MARCHF4: variants seen among roughly 807,000 people sequenced by gnomAD.
MARCHF4 encodes the protein E3 ubiquitin-protein ligase MARCHF4.
A neutral mutation model predicts 43.9 loss-of-function variants in MARCHF4; 14 were observed. The ratio of observed to expected loss-of-function variants is 0.32; its 90% CI spans 0.21 to 0.50. The LOEUF (loss-of-function observed/expected upper bound fraction) is 0.50, where lower values mean the gene tolerates loss of function less well. Among genes scored for constraint, MARCHF4 ranks in the 20% least tolerant of loss-of-function variants. The probability of loss-of-function intolerance (pLI) is 0.98; values close to 1 mark genes in which losing one functional copy is unlikely to be tolerated. For synonymous variants in MARCHF4, 226 were observed against 213.3 expected (o/e 1.06, Z -0.52); for missense variants, 468 against 536.7 (o/e 0.87, Z 1.27).
chr2:216,343,949 A>T, intron 1 of MARCHF4, among the ~76,000 whole-genome samples: 1 of 152,200 alleles, frequency 6.6e-6, no homozygotes, highest in East Asian at 1.9e-4. Flanking sequence ...TGGAGATCTC[A>T]GAGTGGGACC....
At chr2:216,356,534 G>A (rs1692505904) in intron 1 of MARCHF4, among the ~76,000 whole-genome samples, 1 of 152,138 alleles carries the variant, frequency 6.6e-6, no homozygotes. Flanking sequence ...GGATTTAATT[G>A]ATTTGCCTAA....
rs894009212 is a variant in MARCHF4, at chr2:216,298,980, C to T, written c.517-15251G>A. 1.2e-4 allele frequency among the ~76,000 whole-genome samples: 18 copies of T among 152,294 alleles called. 1 individual carries two copies. Among genetic ancestry groups the T allele is most frequent in the Middle Eastern group, 3.4e-3 (1 of 294 alleles). ...CAAATTTCCACCTATGTCATCTGAG[C>T]GTGCCACTATCTGCTGCTATTGCCC... On this transcript the variant is annotated intron_variant, in intron 1 of 3. Coordinates refer to ENST00000273067, the MANE Select transcript of MARCHF4 (RefSeq NM_020814.3).
In MARCHF4 at chr2:216,370,360, G is replaced by A. The variant is rs781229030; in HGVS notation, c.-100C>T. The A allele has an allele frequency of 1.8e-5, 17 of 970,736 alleles. No individual in the cohort carries two copies. The highest frequency in any genetic ancestry group is 2.5e-5 in the Non-Finnish European group (17 of 685,658). 60.1% of individuals were successfully genotyped at this position (970,736 alleles called of 1,614,324 possible). ...GTCCACAGTGGATCTGTGTTGTGGG[G>A]GGAGTCTGCTTTCTCACTGGCTTTT... On this transcript the variant is annotated 5_prime_UTR_variant, in exon 1 of 4. Transcript: ENST00000273067.
In MARCHF4 at chr2:216,291,702, C is replaced by T. The variant is rs533720495; in HGVS notation, c.517-7973G>A. Among the ~76,000 whole-genome samples the T allele has an allele frequency of 1.8e-4, 27 of 152,306 alleles. No individual in the cohort carries two copies. The South Asian group carries it at 5.2e-3, about 29-fold the overall frequency. ...CAATTTTCTGGCTTCCTTTCTTTCT[C>T]CTCTCTGTAACATTTTCTTATTAAT... On this transcript the variant is annotated intron_variant, in intron 1 of 3. Transcript: ENST00000273067.
chr2:216,317,439 G>A (rs1297183366), intron 1 of MARCHF4, among the ~76,000 whole-genome samples: 2 of 151,938 alleles, frequency 1.3e-5, no homozygotes. Context: ...TTAGAAACAG[G>A]GTCTCACTCT....
intron 3 of MARCHF4, among the ~76,000 whole-genome samples, chr2:216,270,030 C>A (rs1253348824): frequency 6.6e-6 from 1 of 152,180 alleles, no homozygotes; most frequent in Non-Finnish European, 1.5e-5. Flanking sequence ...CCAAATCTGT[C>A]TTCAAGCCTC....
At chr2:216,354,915 C>CTTTG (rs747454155) in intron 1 of MARCHF4, among the ~76,000 whole-genome samples, 9 of 98,550 alleles carry the variant, frequency 9.1e-5, no homozygotes, top group South Asian at 4.3e-4. Context: ...TTCTTTCTTT[C>CTTTG]TTTCTTTCTT....
chr2:216,270,980 T>A (rs1389140130), intron 3 of MARCHF4, among the ~76,000 whole-genome samples: 1 of 152,208 alleles, frequency 6.6e-6, no homozygotes, highest in Non-Finnish European at 1.5e-5. Flanking sequence ...ACCCATTCTC[T>A]CCATAGTTGC....
intron 1 of MARCHF4, among the ~76,000 whole-genome samples, chr2:216,292,159 G>A (rs1691319719): frequency 6.6e-6 from 1 of 152,228 alleles, no homozygotes; most frequent in Non-Finnish European, 1.5e-5. Context: ...GTGTGTTTAT[G>A]TTAGGGGGTG....
rs182208930 is a variant in MARCHF4, at chr2:216,341,180, G to T, written c.516+28565C>A. ...TACCATTTTGCAGCTCCTCCAATCTGCCTGCTCCCTGCTGGTCCTTCCATG... is the reference window on the plus strand; with the variant it reads ...TACCATTTTGCAGCTCCTCCAATCTTCCTGCTCCCTGCTGGTCCTTCCATG... On this transcript the variant is annotated intron_variant, in intron 1 of 3. Transcript: ENST00000273067. Among the ~76,000 whole-genome samples, 7 of 152,298 alleles carry T rather than the reference G, an allele frequency of 4.6e-5. No individual in the cohort carries two copies. The East Asian group carries it at 9.6e-4, about 21-fold the overall frequency.
chr2:216,344,770 T>G (rs1420874926), intron 1 of MARCHF4, among the ~76,000 whole-genome samples: 2 of 150,852 alleles, frequency 1.3e-5, no homozygotes, highest in African/African-American at 2.4e-5. Flanking sequence ...AAAGAGGAAG[T>G]GATTGAAGGT....
At chr2:216,336,428 G>C (rs1366608731) in intron 1 of MARCHF4, among the ~76,000 whole-genome samples, 1 of 152,122 alleles carries the variant, frequency 6.6e-6, no homozygotes. Flanking sequence ...AGACTTGTTG[G>C]TGATCTCCAA....
rs906274050 is a variant in MARCHF4, at chr2:216,370,033, G to T, written c.228C>A (p.Asn76Lys). Residue 76 changes from asparagine (N) to lysine (K), a missense_variant, in exon 1 of 4, where the codon AAC (asparagine) becomes AAA (lysine). Asn to Lys is a moderately conservative substitution (Grantham distance 94, BLOSUM62 0). Transcript: ENST00000273067. ...CGGCGCCCAGAGCCGGAAGGGTGTT[G>T]TTGGCCGCCAAACCGGGGGGCTGGG... Reference protein sequence around the residue: ...GDPQPPGLAANNTLPALGAGG... With the variant: ...GDPQPPGLAAKNTLPALGAGG... 11 of 1,549,740 alleles carry T rather than the reference G, an allele frequency of 7.1e-6. No homozygotes were observed. Among genetic ancestry groups the T allele is most frequent in the African/African-American group, 1.4e-5 (1 of 73,334 alleles).
At chr2:216,262,465 AGAATACGAAAGGTATAAG>A (rs1230663708) in intron 3 of MARCHF4, among the ~76,000 whole-genome samples, 1 of 152,228 alleles carries the variant, frequency 6.6e-6, no homozygotes, top group Admixed American at 6.5e-5. Flanking sequence ...GCTGGGGATG[AGAATACGAAAGGTATAAG>A]GAATAATGAA....
At chr2:216,347,659 G>A (rs923165123) in intron 1 of MARCHF4, among the ~76,000 whole-genome samples, 39 of 151,750 alleles carry the variant, frequency 2.6e-4, no homozygotes, top group African/African-American at 8.7e-4. Context: ...CCCGGGAGGC[G>A]GAAGTTGCAG....
In MARCHF4 at chr2:216,263,539, AAGAG is replaced by A. The variant is rs1342980579; in HGVS notation, c.866-3864_866-3861del. Among the ~76,000 whole-genome samples the A allele has an allele frequency of 4.1e-5, 5 of 122,868 alleles. 1 individual carries two copies. Among genetic ancestry groups the A allele is most frequent in the East Asian group, 4.5e-4 (2 of 4,404 alleles). The allele number at this position is 122,868 out of a possible 152,430, so 80.6% of individuals were successfully genotyped here. On this transcript the variant is annotated intron_variant, in intron 3 of 3. Transcript: ENST00000273067. ...AGAGAGAGAGAGAGAGAGAGAGAGAAAGAGAGAGAGAGAAAGAAGAAAAAGAAAG... is the reference window on the plus strand; with the variant it reads ...AGAGAGAGAGAGAGAGAGAGAGAGAAAGAGAGAGAAAGAAGAAAAAGAAAG...
chr2:216,340,860 T>G (rs563911187), intron 1 of MARCHF4, among the ~76,000 whole-genome samples: 4 of 152,188 alleles, frequency 2.6e-5, no homozygotes, highest in African/African-American at 4.8e-5. Flanking sequence ...TACCCCAGTC[T>G]ACTCAGTGAT....
chr2:216,358,943 A>G (rs977545207), intron 1 of MARCHF4, among the ~76,000 whole-genome samples: 2 of 152,166 alleles, frequency 1.3e-5, no homozygotes, highest in Admixed American at 6.5e-5. Flanking sequence ...GGGGAAGGAA[A>G]CCAAATGGGG....
chr2:216,341,685 T>A (rs1423713438), intron 1 of MARCHF4, among the ~76,000 whole-genome samples: 1 of 152,210 alleles, frequency 6.6e-6, no homozygotes, highest in East Asian at 1.9e-4. Context: ...TGCCTCCCGA[T>A]GGGAATCTTA....
Sources: allele counts gnomAD v4.1 joint callset (sites outside exome capture counted in the v4.1 genomes callset), GRCh38; gene constraint gnomAD v4.1.1; transcripts MANE v1.5; gene names NCBI Gene and HGNC (gene_info 2026-07-23, HGNC 2026-07-21).